The following KLHL15 variants were observed in gnomAD, a reference collection of about 807,000 sequenced individuals.
KLHL15 encodes the protein kelch-like protein 15.
KLHL15 carries 1 observed loss-of-function variant against 29.3 expected under a neutral mutation model. The observed-to-expected ratio is 0.03, with a 90% confidence interval of 0.01 to 0.16. The LOEUF is 0.16. Ranked by LOEUF, KLHL15 falls within the 10% of genes least tolerant of loss-of-function variation. The pLI, the probability that KLHL15 is intolerant of heterozygous loss-of-function variation, is 1.00. For synonymous variants in KLHL15, 212 were observed against 184.5 expected (o/e 1.15, Z -1.21); for missense variants, 215 against 478.5 (o/e 0.45, Z 5.14).
intron 1 of KLHL15, among the ~76,000 whole-genome samples, 197 bp from the exon 2 acceptor site, chrX:24,025,255 C>G (rs1036854346): frequency 8.2e-5 from 9 of 110,285 alleles, no homozygotes; most frequent in Non-Finnish European, 1.1e-4. Flanking sequence ...AAGCACCAGC[C>G]GAGGAAGCGT....
intron 3 of KLHL15, 128 bp downstream of exon 3, chrX:24,005,859 TGA>T: frequency 2.0e-6 from 1 of 503,352 alleles, no homozygotes; most frequent in Non-Finnish European, 3.3e-6. Flanking sequence ...TATTCATTCT[TGA>T]ATAACATAAG....
chrX:24,007,979 C>T (rs1929489206), intron 2 of KLHL15, among the ~76,000 whole-genome samples: 1 of 109,508 alleles, frequency 9.1e-6, no homozygotes, highest in Non-Finnish European at 1.9e-5. Flanking sequence ...AAACTAAATA[C>T]GCATATATTT....
chrX:24,009,904 C>T (rs183049578), intron 2 of KLHL15, among the ~76,000 whole-genome samples: 54 of 101,565 alleles, frequency 5.3e-4, no homozygotes, highest in African/African-American at 1.8e-3. Flanking sequence ...GCAGGAGAAT[C>T]GCTGGAACCT....
Position 23,985,579 on chromosome X carries a change from G to A in KLHL15, c.*2342C>T, listed in dbSNP as rs959180120. 2.7e-5 allele frequency: 3 copies of A among 112,442 alleles called. No homozygotes were observed. The highest frequency in any genetic ancestry group is 9.7e-5 in the African/African-American group (3 of 30,986). The allele number at this position is 112,442 out of a possible 1,213,427, so 9.3% of individuals were successfully genotyped here. A position where few individuals can be genotyped will look rare whatever the true frequency, so the allele number is the denominator to read the frequency against. On this transcript the variant is annotated 3_prime_UTR_variant, in exon 4 of 4. Coordinates refer to ENST00000328046, the MANE Select transcript of KLHL15 (RefSeq NM_030624.3). ...TGACTTACGTAAAGCTGAACCCAGAGTTAGTTCAAGTTAAGATTTTACGAA... is the reference window on the plus strand; with the variant it reads ...TGACTTACGTAAAGCTGAACCCAGAATTAGTTCAAGTTAAGATTTTACGAA...
chrX:24,013,558 C>T (rs1929617448), intron 2 of KLHL15, among the ~76,000 whole-genome samples: 2 of 111,349 alleles, frequency 1.8e-5, no homozygotes, highest in Admixed American at 1.9e-4. Context: ...GCCACCACAC[C>T]CAGGCTTGAA....
chrX:23,993,383 G>A (rs1197340780), intron 3 of KLHL15, among the ~76,000 whole-genome samples: 1 of 111,314 alleles, frequency 9.0e-6, no homozygotes, highest in African/African-American at 3.3e-5. Flanking sequence ...ACACTTGGAG[G>A]CAGCATGAAC....
chrX:24,004,418 T>G (rs912004875), intron 3 of KLHL15, among the ~76,000 whole-genome samples: 1 of 110,729 alleles, frequency 9.0e-6, no homozygotes, highest in Non-Finnish European at 1.9e-5. Flanking sequence ...ATAAAAACAA[T>G]AGGAAAAAAA....
intron 2 of KLHL15, among the ~76,000 whole-genome samples, chrX:24,016,836 T>C (rs1482685107): frequency 9.0e-6 from 1 of 111,061 alleles, no homozygotes; most frequent in African/African-American, 3.3e-5. Flanking sequence ...ACAGCCAAAA[T>C]AGTAAGCCTG....
intron 2 of KLHL15, among the ~76,000 whole-genome samples, chrX:24,018,661 TA>T (rs1267220255): frequency 9.0e-6 from 1 of 111,408 alleles, no homozygotes; most frequent in Non-Finnish European, 1.9e-5. Flanking sequence ...CAGTCCCCAC[TA>T]AAGGGGCTTC....
chrX:24,015,200 T>C (rs1259766586), intron 2 of KLHL15, among the ~76,000 whole-genome samples: 1 of 112,392 alleles, frequency 8.9e-6, no homozygotes, highest in Non-Finnish European at 1.9e-5. Context: ...CAAATTTTCT[T>C]GGCCTTCTCT....
Position 23,987,993 on chromosome X carries a change from C to T in KLHL15, c.1743G>A (p.Lys581=). ...GGTTGCATACTTGTAAACCATCCAG[C>T]TTGCAGGGCATCCGAGGGTACTCAT... ...KEDEYPRMPC[K]LDGLQVCNLH... The change falls in exon 4 of 4, where the codon AAG becomes AAA. Residue 581 remains lysine, a synonymous_variant. Coordinates refer to ENST00000328046, the MANE Select transcript of KLHL15 (RefSeq NM_030624.3). 8.3e-7 allele frequency: 1 copy of T among 1,211,114 alleles called. No homozygotes were observed. The highest frequency in any genetic ancestry group is 2.2e-5 in the Admixed American group (1 of 46,038).
chrX:24,023,463 T>G (rs1451670308), intron 2 of KLHL15, among the ~76,000 whole-genome samples: 1 of 112,104 alleles, frequency 8.9e-6, no homozygotes, highest in Non-Finnish European at 1.9e-5. Flanking sequence ...GATTATAAAT[T>G]TAATAAAACA....
At chrX:24,013,771 G>A (rs989255318) in intron 2 of KLHL15, among the ~76,000 whole-genome samples, 1 of 109,656 alleles carries the variant, frequency 9.1e-6, no homozygotes, top group African/African-American at 3.3e-5. Flanking sequence ...ACTTTGGGAG[G>A]CCAAGGCGGG....
chrX:24,016,784 A>G (rs1309243763), intron 2 of KLHL15, among the ~76,000 whole-genome samples: 1 of 111,691 alleles, frequency 9.0e-6, no homozygotes, highest in Non-Finnish European at 1.9e-5. Context: ...AGTACACTGT[A>G]ACATTAAGGC....
chrX:24,003,129 T>G lies in KLHL15; in HGVS notation c.705+2860A>C, dbSNP rs1183938478. 3.6e-5 allele frequency among the ~76,000 whole-genome samples: 4 copies of G among 112,393 alleles called. 1 individual carries two copies. The highest frequency in any genetic ancestry group is 1.9e-5 in the Non-Finnish European group (1 of 53,336). ...GGTCTTCTCCCTATTCTATTAGCTG[T>G]AACAGGAAGTCCCAGATTGGGAAGC... On this transcript the variant is annotated intron_variant, in intron 3 of 3. Transcript: ENST00000328046.
At chrX:24,018,393 T>C (rs998471859) in intron 2 of KLHL15, among the ~76,000 whole-genome samples, 5 of 110,827 alleles carry the variant, frequency 4.5e-5, no homozygotes, top group African/African-American at 1.6e-4. Flanking sequence ...CATATATAGG[T>C]TTATCAACAC....
In KLHL15 at chrX:23,987,023, G is replaced by C. The variant is rs996149981; in HGVS notation, c.*898C>G. On this transcript the variant is annotated 3_prime_UTR_variant, in exon 4 of 4. Coordinates refer to ENST00000328046, the MANE Select transcript of KLHL15 (RefSeq NM_030624.3). ...TTTTCAAAAAGAAAAGACATACATC[G>C]ACAAAGAACACTAACATTTACTTTT... is the stretch of plus-strand genomic sequence containing the variant. The C allele has an allele frequency of 8.9e-6, 1 of 112,188 alleles. No homozygotes were observed. Among genetic ancestry groups the C allele is most frequent in the African/African-American group, 3.2e-5 (1 of 30,917 alleles). 9.2% of individuals were successfully genotyped at this position (112,188 alleles called of 1,213,427 possible). A position where few individuals can be genotyped will look rare whatever the true frequency, so the allele number is the denominator to read the frequency against.
intron 2 of KLHL15, among the ~76,000 whole-genome samples, chrX:24,024,280 A>G (rs918914586): frequency 1.8e-5 from 2 of 112,353 alleles, no homozygotes; most frequent in African/African-American, 6.5e-5. Context: ...TAATATAGAA[A>G]TAAAGAGGCA....
At chrX:24,001,733 G>T (rs1303031546) in intron 3 of KLHL15, among the ~76,000 whole-genome samples, 1 of 101,339 alleles carries the variant, frequency 9.9e-6, no homozygotes, top group Non-Finnish European at 2.0e-5. Flanking sequence ...GAACCCGGGG[G>T]GCGGAGGTTG....
Sources: allele counts gnomAD v4.1 joint callset (sites outside exome capture counted in the v4.1 genomes callset), GRCh38; gene constraint gnomAD v4.1.1; transcripts MANE v1.5; gene names NCBI Gene and HGNC (gene_info 2026-07-23, HGNC 2026-07-21).